Variants in PPP2R2B observed in about 807,000 individuals in gnomAD.
The protein encoded by PPP2R2B is serine/threonine-protein phosphatase 2A 55 kDa regulatory subunit B beta isoform.
PPP2R2B carries 5 observed loss-of-function variants against 46.0 expected under a neutral mutation model. The observed-to-expected ratio is 0.11, with a 90% confidence interval of 0.06 to 0.23. The LOEUF (loss-of-function observed/expected upper bound fraction) is 0.23. Among genes scored for constraint, PPP2R2B ranks in the 10% least tolerant of loss-of-function variants. PPP2R2B has a pLI of 1.00. For missense variants in PPP2R2B, 367 were observed against 575.0 expected, an observed-to-expected ratio of 0.64 and a Z score of 3.70; for synonymous variants, 215 against 206.7, an observed-to-expected ratio of 1.04 and a Z score of -0.34.
At chr5:146,802,615 G>T (rs889749425) in intron 2 of PPP2R2B, among the ~76,000 whole-genome samples, 2 of 152,122 alleles carry the variant, frequency 1.3e-5, no homozygotes, top group African/African-American at 4.8e-5. Flanking sequence ...AAGAATCCCA[G>T]GCTCTGGGAC....
intron 1 of PPP2R2B, among the ~76,000 whole-genome samples, chr5:146,971,908 T>A (rs1582522851): frequency 6.6e-6 from 1 of 152,354 alleles, no homozygotes; most frequent in Non-Finnish European, 1.5e-5. Flanking sequence ...TGGCAACATC[T>A]CATATCTCCA....
intron 2 of PPP2R2B, among the ~76,000 whole-genome samples, chr5:146,833,950 G>C (rs1459385109): frequency 6.6e-6 from 1 of 152,090 alleles, no homozygotes; most frequent in African/African-American, 2.4e-5. Flanking sequence ...TTATGATTAA[G>C]AAGTGACTGC....
chr5:146,846,048 AAAT>A (rs1383884513), intron 2 of PPP2R2B, among the ~76,000 whole-genome samples: 71 of 152,286 alleles, frequency 4.7e-4, no homozygotes, highest in African/African-American at 1.7e-3. Context: ...TTACATATTA[AAAT>A]AATATTTTTG....
chr5:146,988,884 A>C (rs770352371), intron 1 of PPP2R2B, among the ~76,000 whole-genome samples: 2 of 151,974 alleles, frequency 1.3e-5, no homozygotes, highest in Non-Finnish European at 2.9e-5. Flanking sequence ...TAAAGACAAA[A>C]CTCAAATAAA....
intron 1 of PPP2R2B, among the ~76,000 whole-genome samples, chr5:147,053,228 A>G (rs922259500): frequency 4.4e-5 from 1 of 22,602 alleles, no homozygotes; most frequent in African/African-American, 7.8e-5. Flanking sequence ...AAAAAAAAAC[A>G]CACGCGCACA....
chr5:147,015,032 A>C (rs557846988), intron 1 of PPP2R2B, among the ~76,000 whole-genome samples: 1 of 152,284 alleles, frequency 6.6e-6, no homozygotes, highest in South Asian at 2.1e-4. Flanking sequence ...ATTTTGGATA[A>C]GGGATACTTA....
At chr5:146,776,318 T>C (rs1167491240) in intron 2 of PPP2R2B, among the ~76,000 whole-genome samples, 1 of 152,052 alleles carries the variant, frequency 6.6e-6, no homozygotes, top group East Asian at 1.9e-4. Flanking sequence ...TATAACAATA[T>C]AGAATTGAGA....
chr5:146,946,429 T>C (rs1361911464), intron 1 of PPP2R2B, among the ~76,000 whole-genome samples: 1 of 152,116 alleles, frequency 6.6e-6, no homozygotes, highest in Non-Finnish European at 1.5e-5. Context: ...GAGTCTTTCA[T>C]TGCAAGTTTC....
At chr5:146,956,161 T>G (rs1126057) in intron 1 of PPP2R2B, among the ~76,000 whole-genome samples, 83,512 of 151,882 alleles carry the variant, frequency 0.55, 24,483 homozygotes, top group Non-Finnish European at 0.66. Flanking sequence ...AAAGGTAAAA[T>G]ACACATGTTC....
At chr5:146,939,973 T>C (rs1284028267) in intron 1 of PPP2R2B, among the ~76,000 whole-genome samples, 3 of 152,214 alleles carry the variant, frequency 2.0e-5, no homozygotes, top group African/African-American at 7.2e-5. Context: ...GAGCCATTTG[T>C]AATCTTTGAA....
At chr5:146,706,963 A>G in intron 2 of PPP2R2B, 2 of 1,030,400 alleles carry the variant, frequency 1.9e-6, no homozygotes, top group South Asian at 2.5e-5. Flanking sequence ...TGATATCGTC[A>G]GCCCTTCCAG....
intron 6 of PPP2R2B, among the ~76,000 whole-genome samples, chr5:146,641,277 T>C: frequency 6.6e-6 from 1 of 152,162 alleles, no homozygotes; most frequent in East Asian, 1.9e-4. Flanking sequence ...CCCAAGCTTG[T>C]CTGACTCCAG....
chr5:147,062,847 C>A (rs1757297144), intron 2 of PPP2R2B, among the ~76,000 whole-genome samples: 1 of 151,800 alleles, frequency 6.6e-6, no homozygotes, highest in South Asian at 2.1e-4. Flanking sequence ...AATCCACACA[C>A]CTACCTATCA....
intron 1 of PPP2R2B, among the ~76,000 whole-genome samples, chr5:146,964,521 ATTTTT>A (rs1336287152): frequency 6.6e-6 from 1 of 151,426 alleles, no homozygotes; most frequent in African/African-American, 2.4e-5. Context: ...TCCTGTATTT[ATTTTT>A]ATTTTTATTT....
chr5:146,803,954 T>C (rs919372793), intron 2 of PPP2R2B, among the ~76,000 whole-genome samples: 3 of 152,086 alleles, frequency 2.0e-5, no homozygotes, highest in African/African-American at 7.2e-5. Flanking sequence ...GATCACAAGG[T>C]CAGGAGATAA....
intron 2 of PPP2R2B, among the ~76,000 whole-genome samples, chr5:146,759,411 A>G (rs1754025098): frequency 6.6e-6 from 1 of 152,234 alleles, no homozygotes. Flanking sequence ...GGAAAAAGGA[A>G]TTATCCATCG....
chr5:146,645,670 G>A (rs1020324), intron 6 of PPP2R2B, among the ~76,000 whole-genome samples: 4,805 of 152,272 alleles, frequency 0.032, 240 homozygotes, highest in African/African-American at 0.11. Context: ...CAGGGCTTCA[G>A]CTTGGTTGAC....
chr5:146,878,063 C>G lies in PPP2R2B; in HGVS notation c.9G>C (p.Glu3Asp). 1.2e-6 allele frequency: 2 copies of G among 1,614,148 alleles called. No individual in the cohort carries two copies. Among genetic ancestry groups the G allele is most frequent in the Non-Finnish European group, 1.7e-6 (2 of 1,180,016 alleles). Reference protein sequence around the residue: MEEDIDTRKINNS... With the variant: MEDDIDTRKINNS... The stretch of plus-strand genomic sequence containing the variant: ...TGTTGATTTTGCGGGTATCAATGTC[C>G]TCCTCCATTGACAGCAGGCTTACTT... Residue 3 changes from glutamate to aspartate, a missense_variant, in exon 2 of 10, where the codon GAG (glutamate) becomes GAC (aspartate). Physicochemically the swap from Glu to Asp is conservative, Grantham distance 45. Coordinates refer to ENST00000394411, the MANE Select transcript of PPP2R2B (RefSeq NM_181675.4). The surrounding 1 kb of genome is among the most constrained non-coding windows in gnomAD (Gnocchi z 4.5).
intron 1 of PPP2R2B, among the ~76,000 whole-genome samples, chr5:146,979,105 C>T (rs1257234532): frequency 1.3e-5 from 2 of 152,130 alleles, no homozygotes; most frequent in Non-Finnish European, 2.9e-5. Flanking sequence ...CATTGGTCTC[C>T]TTGCTATTTC....
Sources: gnomAD v4.1 joint callset for allele counts (sites outside exome capture counted in the v4.1 genomes callset) on GRCh38, gnomAD v4.1.1 for gene constraint, Gnocchi (gnomAD v3.1) non-coding constraint, MANE v1.5 for transcripts, NCBI Gene and HGNC (gene_info 2026-07-23, HGNC 2026-07-21) for gene names.